GALNTL6: variants seen among roughly 807,000 people sequenced by gnomAD.
GALNTL6 encodes polypeptide N-acetylgalactosaminyltransferase-like 6.
Under a neutral mutation model 73.7 loss-of-function variants are expected in GALNTL6, and 46 were observed. The ratio of observed to expected loss-of-function variants is 0.62; its 90% CI spans 0.49 to 0.80. The LOEUF is 0.80. GALNTL6 is among the 30% of genes least tolerant of loss of function. GALNTL6 has a pLI of 0.00. For synonymous variants in GALNTL6, 259 were observed against 263.7 expected, an observed-to-expected ratio of 0.98 and a Z score of 0.17; for missense variants, 604 against 755.0, an observed-to-expected ratio of 0.80 and a Z score of 2.34.
chr4:172,046,616 G>A (rs1025970907), intron 2 of GALNTL6, among the ~76,000 whole-genome samples: 1 of 152,042 alleles, frequency 6.6e-6, no homozygotes, highest in Non-Finnish European at 1.5e-5. Context: ...TTTTTCAAAT[G>A]ATCAACCATG....
intron 5 of GALNTL6, among the ~76,000 whole-genome samples, chr4:172,780,904 G>T (rs12643742): frequency 6.6e-6 from 1 of 152,016 alleles, no homozygotes; most frequent in East Asian, 1.9e-4. Flanking sequence ...CTGCTCACAC[G>T]AGAGGACAGA....
intron 2 of GALNTL6, among the ~76,000 whole-genome samples, chr4:172,063,696 T>C (rs1731276257): frequency 6.6e-6 from 1 of 152,196 alleles, no homozygotes; most frequent in African/African-American, 2.4e-5. Context: ...AGCCCTTTAG[T>C]GTCTCTCCTG....
chr4:171,883,711 T>A (rs935918958), intron 2 of GALNTL6, among the ~76,000 whole-genome samples: 1 of 151,758 alleles, frequency 6.6e-6, no homozygotes, highest in Non-Finnish European at 1.5e-5. Context: ...GCAGTGGCGC[T>A]ATCTCAGCTC....
chr4:171,954,517 T>C (rs1489158651), intron 2 of GALNTL6, among the ~76,000 whole-genome samples: 1 of 152,164 alleles, frequency 6.6e-6, no homozygotes, highest in Non-Finnish European at 1.5e-5. Context: ...CATGCAAAGT[T>C]AAAATATGCA....
intron 3 of GALNTL6, among the ~76,000 whole-genome samples, chr4:172,298,926 A>C (rs1739793923): frequency 6.6e-6 from 1 of 152,210 alleles, no homozygotes; most frequent in South Asian, 2.1e-4. Flanking sequence ...TGATTGAAAT[A>C]GTTTCAGAAG....
intron 5 of GALNTL6, among the ~76,000 whole-genome samples, chr4:172,637,354 T>C (rs1160834336): frequency 6.6e-6 from 1 of 152,150 alleles, no homozygotes; most frequent in African/African-American, 2.4e-5. Context: ...AATTGTACAA[T>C]GCTTTAGACA....
At chr4:171,904,933 C>T (rs534478872) in intron 2 of GALNTL6, among the ~76,000 whole-genome samples, 2 of 152,064 alleles carry the variant, frequency 1.3e-5, no homozygotes, top group South Asian at 4.1e-4. Flanking sequence ...ACTTTACAGA[C>T]AAGCAAATGC....
At chr4:173,033,433 TC>T (rs1320866439) in intron 12 of GALNTL6, among the ~76,000 whole-genome samples, 2 of 151,734 alleles carry the variant, frequency 1.3e-5, no homozygotes, top group African/African-American at 2.4e-5. Flanking sequence ...GACTGCTTTG[TC>T]CCTTTTATGC....
intron 7 of GALNTL6, among the ~76,000 whole-genome samples, chr4:172,854,219 G>A (rs1178682699): frequency 6.6e-6 from 1 of 151,952 alleles, no homozygotes; most frequent in Non-Finnish European, 1.5e-5. Context: ...ATCCACTTTG[G>A]CCCATATCCT....
intron 5 of GALNTL6, among the ~76,000 whole-genome samples, chr4:172,349,013 A>C (rs1741849729): frequency 6.6e-6 from 1 of 152,172 alleles, no homozygotes; most frequent in Admixed American, 6.5e-5. Context: ...TATGAATGGT[A>C]AAATATTTGA....
At chr4:172,787,335 C>G (rs559281194) in intron 5 of GALNTL6, among the ~76,000 whole-genome samples, 3 of 152,140 alleles carry the variant, frequency 2.0e-5, no homozygotes, top group East Asian at 1.9e-4. Flanking sequence ...TCAGATAGAT[C>G]AGGGTTTCTT....
chr4:171,839,123 T>C (rs1395145786), intron 2 of GALNTL6, among the ~76,000 whole-genome samples: 1 of 152,010 alleles, frequency 6.6e-6, no homozygotes, highest in East Asian at 1.9e-4. Context: ...CTTGCAGATA[T>C]AGGGATGTGA....
At chr4:172,451,788 T>G (rs900332544) in intron 5 of GALNTL6, among the ~76,000 whole-genome samples, 1 of 152,088 alleles carries the variant, frequency 6.6e-6, no homozygotes, top group Non-Finnish European at 1.5e-5. Context: ...GGAGAATTGC[T>G]TGAGGCCAGG....
chr4:172,275,681 G>A (rs192075250), intron 3 of GALNTL6, among the ~76,000 whole-genome samples: 43 of 152,324 alleles, frequency 2.8e-4, no homozygotes, highest in African/African-American at 1.0e-3. Context: ...TCATTAGCTG[G>A]GTGCAGTGGC....
At chr4:172,778,526 AAC>A (rs35917967) in intron 5 of GALNTL6, among the ~76,000 whole-genome samples, 68,149 of 151,812 alleles carry the variant, frequency 0.45, 17,514 homozygotes, top group East Asian at 0.72. Context: ...GAGCCAGAAT[AAC>A]AGAGTCTCAC....
intron 5 of GALNTL6, among the ~76,000 whole-genome samples, chr4:172,420,835 A>G (rs1051137658): frequency 2.6e-5 from 4 of 151,974 alleles, no homozygotes; most frequent in African/African-American, 4.8e-5. Flanking sequence ...GATGCAGCCA[A>G]AAAAAAGAAT....
At chr4:172,242,485 A>G (rs1737472246) in intron 3 of GALNTL6, among the ~76,000 whole-genome samples, 1 of 152,242 alleles carries the variant, frequency 6.6e-6, no homozygotes, top group Non-Finnish European at 1.5e-5. Context: ...TTGGATTAAA[A>G]TATGAGTGAA....
At chr4:172,733,555 C>T (rs1334361295) in intron 5 of GALNTL6, among the ~76,000 whole-genome samples, 1 of 152,022 alleles carries the variant, frequency 6.6e-6, no homozygotes, top group East Asian at 1.9e-4. Context: ...GTGAGAATGA[C>T]CTAGTGGGAG....
chr4:172,995,372 A>T (rs372774536), intron 10 of GALNTL6, among the ~76,000 whole-genome samples: 8 of 152,182 alleles, frequency 5.3e-5, no homozygotes, highest in African/African-American at 1.9e-4. Context: ...TCTTCCCACA[A>T]TCTGGGAGTG....
Sources: gnomAD v4.1 joint callset for allele counts (sites outside exome capture counted in the v4.1 genomes callset) on GRCh38, gnomAD v4.1.1 for gene constraint, MANE v1.5 for transcripts, NCBI Gene and HGNC (gene_info 2026-07-23, HGNC 2026-07-21) for gene names.